Variants in ADAM12 observed in about 807,000 individuals in gnomAD.
ADAM12 encodes ADAM metallopeptidase domain 12, also known as disintegrin and metalloproteinase domain-containing protein 12.
ADAM12 carries 70 observed loss-of-function variants against 106.4 expected under a neutral mutation model. The observed-to-expected ratio is 0.66, with a 90% CI of 0.54 to 0.80. The LOEUF is 0.80. Ranked by LOEUF, ADAM12 falls within the 30% of genes least tolerant of loss-of-function variation. The pLI is 0.00. For missense variants in ADAM12, 1,010 were observed against 1,171.9 expected, an observed-to-expected ratio of 0.86 and a Z score of 2.02; for synonymous variants, 420 against 433.5, an observed-to-expected ratio of 0.97 and a Z score of 0.39.
intron 22 of ADAM12, 22 bp downstream of exon 22, chr10:126,019,673 G>C (rs1953724822): frequency 6.2e-7 from 1 of 1,608,262 alleles, no homozygotes; most frequent in African/African-American, 1.3e-5. Flanking sequence ...AGAAAGAGAT[G>C]GGCATGGCAT....
At chr10:126,120,912 A>T (rs918292157) in intron 5 of ADAM12, among the ~76,000 whole-genome samples, 1 of 139,338 alleles carries the variant, frequency 7.2e-6, no homozygotes, top group Non-Finnish European at 1.5e-5. Context: ...TATATAATAT[A>T]TATGCAATAT....
At chr10:126,034,207 G>A (rs1954018129) in intron 21 of ADAM12, among the ~76,000 whole-genome samples, 8 of 152,206 alleles carry the variant, frequency 5.3e-5, no homozygotes, top group Admixed American at 5.2e-4. Context: ...CTTTAGAGCA[G>A]TGGTTTTCAA....
chr10:126,307,952 A>G (rs1254091751), intron 2 of ADAM12, among the ~76,000 whole-genome samples: 3 of 152,204 alleles, frequency 2.0e-5, no homozygotes, highest in African/African-American at 7.2e-5. Context: ...GACACTGTGT[A>G]TGGCAGTGCC....
intron 1 of ADAM12, among the ~76,000 whole-genome samples, chr10:126,379,375 G>T (rs764151852): frequency 2.0e-5 from 3 of 152,172 alleles, no homozygotes; most frequent in Non-Finnish European, 4.4e-5. Context: ...AAAAGGATGA[G>T]TTCATGTCCT....
Position 126,020,331 on chromosome 10 carries a change from G to A in ADAM12, c.2530-506C>T, listed in dbSNP as rs561743495. 3.8e-3 allele frequency among the ~76,000 whole-genome samples: 579 copies of A among 152,232 alleles called. 2 individuals are homozygous for A. The highest frequency in any genetic ancestry group is 0.013 in the African/African-American group (532 of 41,526). On this transcript the variant is annotated intron_variant, in intron 21 of 22. Coordinates refer to ENST00000448723, the MANE Select transcript of ADAM12 (RefSeq NM_001288973.2). ...CCACATGTTGCTCTGAAGGCTCCGC[G>A]AAATACACTGAAGTTCTTCCACTAG...
chr10:126,128,927 T>C (rs970084900), intron 5 of ADAM12, among the ~76,000 whole-genome samples: 7 of 151,844 alleles, frequency 4.6e-5, no homozygotes, highest in African/African-American at 1.7e-4. Flanking sequence ...CATGGGAGTG[T>C]GTGGTGCGCG....
rs367708381 is a variant in ADAM12 at position 126,113,897 on chromosome 10, G to C, written c.604-4057C>G. On this transcript the variant is annotated intron_variant, in intron 6 of 22. Coordinates refer to ENST00000448723, the MANE Select transcript of ADAM12 (RefSeq NM_001288973.2). ...ATGCAAGCCAGCTGTGCTATCACCT[G>C]ACAGCGAGAAAACAACAATCACAAT... Among the ~76,000 whole-genome samples, 13 of 151,084 alleles carry C rather than the reference G, an allele frequency of 8.6e-5. No homozygotes were observed. In the South Asian group the frequency reaches 2.5e-3, roughly 29 times the overall value.
chr10:126,345,986 A>AT (rs1232854255), intron 1 of ADAM12, among the ~76,000 whole-genome samples: 3 of 152,166 alleles, frequency 2.0e-5, no homozygotes, highest in African/African-American at 4.8e-5. Context: ...GGATTCATTG[A>AT]TTTTTTGAAG....
intron 3 of ADAM12, among the ~76,000 whole-genome samples, chr10:126,212,643 C>A (rs1318734621): frequency 6.6e-6 from 1 of 152,094 alleles, no homozygotes; most frequent in East Asian, 1.9e-4. Context: ...TCTTGCCTTG[C>A]TAATCTAATT....
rs183395787 is a variant in ADAM12, at chr10:126,236,893, G to A, written c.260+42022C>T. On this transcript the variant is annotated intron_variant, in intron 3 of 22. Transcript: ENST00000448723. ...CCTCCTGGAGGAAGGGGTGACAGGA[G>A]CCATCCACCCTGGGCATGGGCAGGC... Among the ~76,000 whole-genome samples, 315 of 152,286 alleles carry A rather than the reference G, an allele frequency of 2.1e-3. 2 individuals are homozygous for A. The highest frequency in any genetic ancestry group is 7.4e-3 in the African/African-American group (309 of 41,560).
intron 3 of ADAM12, among the ~76,000 whole-genome samples, chr10:126,207,684 C>T (rs1240095309): frequency 1.3e-5 from 2 of 152,160 alleles, no homozygotes; most frequent in Non-Finnish European, 2.9e-5. Context: ...TTTTGTAAAA[C>T]TTTCAAAGTT....
chr10:126,331,849 C>T (rs1164289687), intron 1 of ADAM12, among the ~76,000 whole-genome samples: 1 of 152,128 alleles, frequency 6.6e-6, no homozygotes, highest in Admixed American at 6.5e-5. Context: ...GAGGTGCTGG[C>T]TCTGATGGTG....
At chr10:126,158,729 C>T (rs1474198721) in intron 3 of ADAM12, among the ~76,000 whole-genome samples, 12 of 120,172 alleles carry the variant, frequency 1.0e-4, no homozygotes, top group Admixed American at 1.7e-4. Flanking sequence ...GGGGAGGATT[C>T]GGAGAGCATG....
intron 6 of ADAM12, among the ~76,000 whole-genome samples, chr10:126,115,709 G>A (rs928177006): frequency 6.6e-6 from 1 of 152,146 alleles, no homozygotes; most frequent in African/African-American, 2.4e-5. Flanking sequence ...AAAAGCAAAT[G>A]CAGTTGCTGC....
intron 3 of ADAM12, among the ~76,000 whole-genome samples, chr10:126,175,187 A>G (rs1957197529): frequency 6.6e-6 from 1 of 152,212 alleles, no homozygotes; most frequent in Non-Finnish European, 1.5e-5. Flanking sequence ...ACAGCACAGC[A>G]CACACGAGGA....
At chr10:126,356,144 G>T (rs954520382) in intron 1 of ADAM12, among the ~76,000 whole-genome samples, 1 of 152,220 alleles carries the variant, frequency 6.6e-6, no homozygotes, top group Admixed American at 6.5e-5. Flanking sequence ...TTCTACTGAA[G>T]CACCAGATAA....
chr10:126,334,500 T>A (rs1179707367), intron 1 of ADAM12, among the ~76,000 whole-genome samples: 1 of 152,130 alleles, frequency 6.6e-6, no homozygotes, highest in Non-Finnish European at 1.5e-5. Context: ...TGATCATCAG[T>A]TGTGCTTTCC....
intron 3 of ADAM12, among the ~76,000 whole-genome samples, chr10:126,251,884 C>G (rs1335276836): frequency 0.05 from 723 of 14,514 alleles, no homozygotes; most frequent in South Asian, 0.081. Flanking sequence ...GGGATGGATG[C>G]AATGGATGGA....
intron 3 of ADAM12, among the ~76,000 whole-genome samples, chr10:126,225,508 T>C (rs60166998): frequency 2.1e-3 from 323 of 152,276 alleles, no homozygotes; most frequent in African/African-American, 7.5e-3. Flanking sequence ...TGCCCGATCA[T>C]TTGGAAAATC....
Sources: gnomAD v4.1 joint callset for allele counts (sites outside exome capture counted in the v4.1 genomes callset) on GRCh38, gnomAD v4.1.1 for gene constraint, MANE v1.5 for transcripts, NCBI Gene and HGNC (gene_info 2026-07-23, HGNC 2026-07-21) for gene names.